Variants in ARB2A observed in about 807,000 individuals in gnomAD.
ARB2A encodes the protein cotranscriptional regulator ARB2A.
the ARB2A span, among the ~76,000 whole-genome samples, chr5:94,050,533 G>A: frequency 6.6e-6 from 1 of 151,476 alleles, no homozygotes; most frequent in Non-Finnish European, 1.5e-5. Flanking sequence ...AATTACAGGC[G>A]TGAGCCACTG....
At chr5:93,849,464 A>T in the ARB2A span, among the ~76,000 whole-genome samples, 1 of 152,102 alleles carries the variant, frequency 6.6e-6, no homozygotes, top group Non-Finnish European at 1.5e-5. Flanking sequence ...TTTCAGGAAG[A>T]ATACACACAC....
chr5:93,875,508 G>T, the ARB2A span, among the ~76,000 whole-genome samples: 4 of 152,104 alleles, frequency 2.6e-5, no homozygotes, highest in African/African-American at 9.7e-5. Context: ...TGGGATTACA[G>T]GCGTGAGCCA....
At chr5:93,887,179 T>A in the ARB2A span, among the ~76,000 whole-genome samples, 1 of 151,034 alleles carries the variant, frequency 6.6e-6, no homozygotes, top group African/African-American at 2.4e-5. Context: ...AGGGTCACAC[T>A]GCATTCCTCA....
At chr5:93,643,561 C>T in the ARB2A span, among the ~76,000 whole-genome samples, 3 of 152,142 alleles carry the variant, frequency 2.0e-5, no homozygotes, top group Admixed American at 1.3e-4. Flanking sequence ...ATGGCATGAT[C>T]TCAGCTCACT....
At chr5:93,860,649 C>CTTTTTTTTTTTTTTTTTTTT in the ARB2A span, 2 of 136,436 alleles carry the variant, frequency 1.5e-5, no homozygotes, top group Non-Finnish European at 3.2e-5. Flanking sequence ...TTGTTTCTTT[C>CTTTTTTTTTTTTTTTTTTTT]TTTTTTTTTT....
At chr5:93,839,155 A>G in the ARB2A span, among the ~76,000 whole-genome samples, 1 of 152,168 alleles carries the variant, frequency 6.6e-6, no homozygotes, top group Non-Finnish European at 1.5e-5. Context: ...TTGCCCATTC[A>G]GTATTATGTT....
the ARB2A span, among the ~76,000 whole-genome samples, chr5:94,059,618 C>CAAAAAAAAA: frequency 1.6e-5 from 1 of 62,776 alleles, no homozygotes; most frequent in Non-Finnish European, 2.6e-5. Flanking sequence ...GAGACTGTCT[C>CAAAAAAAAA]AAAAAAAAAA....
chr5:93,665,760 A>G, the ARB2A span, among the ~76,000 whole-genome samples: 2 of 152,202 alleles, frequency 1.3e-5, no homozygotes, highest in African/African-American at 4.8e-5. Context: ...TAACGCTGTC[A>G]CTGTGGCCAC....
At chr5:93,986,894 C>T in the ARB2A span, among the ~76,000 whole-genome samples, 1 of 152,098 alleles carries the variant, frequency 6.6e-6, no homozygotes, top group African/African-American at 2.4e-5. Flanking sequence ...CCGCAGGGTC[C>T]TCTGCCTAGG....
the ARB2A span, among the ~76,000 whole-genome samples, chr5:93,756,939 G>A: frequency 6.6e-6 from 1 of 152,138 alleles, no homozygotes; most frequent in Non-Finnish European, 1.5e-5. Context: ...GGAGGCACCA[G>A]AGAAAGGCGA....
the ARB2A span, among the ~76,000 whole-genome samples, chr5:93,959,146 G>A: frequency 6.6e-6 from 1 of 151,938 alleles, no homozygotes; most frequent in African/African-American, 2.4e-5. Flanking sequence ...TTATATATTA[G>A]TTGGATGGGA....
the ARB2A span, among the ~76,000 whole-genome samples, chr5:93,650,351 T>C: frequency 6.6e-6 from 1 of 152,114 alleles, no homozygotes; most frequent in Admixed American, 6.5e-5. Context: ...TGCTGAACTA[T>C]AAAGTTTGAT....
At chr5:93,645,977 GT>G in the ARB2A span, among the ~76,000 whole-genome samples, 1 of 151,984 alleles carries the variant, frequency 6.6e-6, no homozygotes, top group Admixed American at 6.6e-5. Context: ...ATGGACTATA[GT>G]TTTTTTTCCT....
At chr5:93,727,837 T>C in the ARB2A span, among the ~76,000 whole-genome samples, 2 of 152,110 alleles carry the variant, frequency 1.3e-5, no homozygotes. Context: ...AAAGTGTCAC[T>C]TGTATTTAAA....
the ARB2A span, among the ~76,000 whole-genome samples, chr5:93,909,426 T>C: frequency 6.6e-6 from 1 of 150,932 alleles, no homozygotes; most frequent in Non-Finnish European, 1.5e-5. Flanking sequence ...ATGGACAATC[T>C]TGAAAAATGA....
chr5:93,775,200 T>A, the ARB2A span, among the ~76,000 whole-genome samples: 1 of 152,206 alleles, frequency 6.6e-6, no homozygotes, highest in Non-Finnish European at 1.5e-5. Context: ...CGTTTAATTA[T>A]AACAATAGTT....
chr5:93,672,783 G>A, the ARB2A span, among the ~76,000 whole-genome samples: 7 of 152,228 alleles, frequency 4.6e-5, no homozygotes, highest in African/African-American at 1.7e-4. Flanking sequence ...TTAAAATTAT[G>A]GTTTACAAAT....
the ARB2A span, among the ~76,000 whole-genome samples, chr5:93,851,924 G>A: frequency 6.6e-6 from 1 of 152,184 alleles, no homozygotes; most frequent in Non-Finnish European, 1.5e-5. Context: ...ACAAGTGCAT[G>A]TGTCTTTATA....
chr5:93,884,631 T>C, the ARB2A span, among the ~76,000 whole-genome samples: 3 of 151,678 alleles, frequency 2.0e-5, no homozygotes, highest in East Asian at 5.8e-4. Flanking sequence ...ATCCTTTAGA[T>C]ATTTCAGATT....
Sources: gnomAD v4.1 joint callset for allele counts (sites outside exome capture counted in the v4.1 genomes callset) on GRCh38, gnomAD v4.1.1 for gene constraint, MANE v1.5 for transcripts, NCBI Gene and HGNC (gene_info 2026-07-23, HGNC 2026-07-21) for gene names.